Variants in CEP112 observed in about 807,000 individuals in gnomAD.
The protein encoded by CEP112 is centrosomal protein of 112 kDa.
Under a neutral mutation model 153.0 loss-of-function variants are expected in CEP112, and 127 were observed. The ratio of observed to expected loss-of-function variants is 0.83; its 90% confidence interval spans 0.72 to 0.96. The LOEUF is 0.96. CEP112 is among the 40% of genes least tolerant of loss of function. The pLI is 0.00. For missense variants in CEP112, 1,089 were observed against 1,101.2 expected, an observed-to-expected ratio of 0.99 and a Z score of 0.16; for synonymous variants, 358 against 374.4, an observed-to-expected ratio of 0.96 and a Z score of 0.51.
At chr17:65,708,792 A>G (rs2049034173) in intron 23 of CEP112, among the ~76,000 whole-genome samples, 1 of 152,186 alleles carries the variant, frequency 6.6e-6, no homozygotes, top group Non-Finnish European at 1.5e-5. Context: ...GGATTCCAGA[A>G]CACCGTTATT....
In CEP112 at chr17:65,902,263, A is replaced by G. The variant is rs2059896876; in HGVS notation, c.2052T>C (p.Asp684=). The change falls in exon 20 of 27, where the codon GAT becomes GAC. Residue 684 remains aspartate, a synonymous_variant. Coordinates refer to ENST00000535342, the MANE Select transcript of CEP112 (RefSeq NM_001199165.4). ...CCCGTTCATGGTCTCGGACTAGGCT[A>G]TCCTTCTCTGCGTTATGCTGCTGTA... is the stretch of plus-strand genomic sequence containing the variant. ...HLLQQHNAEK[D]SLVRDHEREI... The G allele has an allele frequency of 6.2e-7, 1 of 1,613,906 alleles. No individual in the cohort carries two copies. The highest frequency in any genetic ancestry group is 8.5e-7 in the Non-Finnish European group (1 of 1,179,954).
intron 16 of CEP112, 43 bp from the exon 17 acceptor site, chr17:66,005,812 A>C (rs1051262011): frequency 6.5e-7 from 1 of 1,532,138 alleles, no homozygotes; most frequent in African/African-American, 1.4e-5. Context: ...AAGACGAGTA[A>C]AGTTTACTTC....
rs544049946 is a variant in CEP112, at chr17:65,880,370, C to T, written c.2163+21782G>A. Among the ~76,000 whole-genome samples the T allele has an allele frequency of 4.6e-5, 7 of 152,122 alleles. No homozygotes were observed. The East Asian group carries it at 1.4e-3, about 29-fold the overall frequency. On this transcript the variant is annotated intron_variant, in intron 20 of 26. Coordinates refer to ENST00000535342, the MANE Select transcript of CEP112 (RefSeq NM_001199165.4). Reference sequence around the variant, plus strand: ...ATGGATATCATCACGATTTCTGTTACTATGAGCAAATACTATTTTCAAGAA... The same window carrying T: ...ATGGATATCATCACGATTTCTGTTATTATGAGCAAATACTATTTTCAAGAA...
At chr17:65,902,082 A>G in intron 20 of CEP112, 70 bp downstream of exon 20, 1 of 1,190,920 alleles carries the variant, frequency 8.4e-7, no homozygotes, top group Non-Finnish European at 1.2e-6. Flanking sequence ...TAAGAATAAT[A>G]AGAAAACATT....
intron 21 of CEP112, among the ~76,000 whole-genome samples, chr17:65,780,697 A>T (rs910619826): frequency 6.6e-6 from 1 of 152,140 alleles, no homozygotes; most frequent in Non-Finnish European, 1.5e-5. Flanking sequence ...TATACTTAAC[A>T]CAAAATTTAC....
At chr17:65,711,182 C>A (rs146550088) in intron 23 of CEP112, among the ~76,000 whole-genome samples, 88 of 152,130 alleles carry the variant, frequency 5.8e-4, no homozygotes, top group African/African-American at 2.1e-3. Flanking sequence ...AACTGTCATA[C>A]GATCAATTGA....
chr17:65,782,470 C>T (rs1436466594), intron 21 of CEP112, among the ~76,000 whole-genome samples: 2 of 152,130 alleles, frequency 1.3e-5, no homozygotes, highest in East Asian at 1.9e-4. Context: ...ACCATTTGAC[C>T]CAGCAATCCC....
intron 21 of CEP112, among the ~76,000 whole-genome samples, chr17:65,760,934 T>G (rs6504345): frequency 0.47 from 71,997 of 151,890 alleles, 17,955 homozygotes; most frequent in East Asian, 0.84. Flanking sequence ...TGCCTTAATA[T>G]ATATATCCAT....
intron 10 of CEP112, among the ~76,000 whole-genome samples, chr17:66,065,856 C>T (rs1032036869): frequency 6.6e-6 from 1 of 152,078 alleles, no homozygotes; most frequent in Non-Finnish European, 1.5e-5. Context: ...GTCTCGATCT[C>T]CTGACCTCAT....
In CEP112 at chr17:66,190,096, G is replaced by A. The variant is rs552339399; in HGVS notation, c.-9+1901C>T. Among the ~76,000 whole-genome samples, 141 of 152,048 alleles carry A rather than the reference G, an allele frequency of 9.3e-4. 1 individual carries two copies. The highest frequency in any genetic ancestry group is 3.2e-3 in the African/African-American group (132 of 41,478). On this transcript the variant is annotated intron_variant, in intron 1 of 26. Transcript: ENST00000535342. ...TGTAATCCCAGCACTTTGGGAGGCC[G>A]AGGCGGGAGGGTCACCTGAGGTCAG...
chr17:65,735,322 G>C (rs1007869810), intron 23 of CEP112, among the ~76,000 whole-genome samples: 1 of 152,108 alleles, frequency 6.6e-6, no homozygotes, highest in Non-Finnish European at 1.5e-5. Flanking sequence ...AGAGTGACTA[G>C]AGTTCAGCTC....
At chr17:65,996,906 T>C (rs1172576549) in intron 17 of CEP112, among the ~76,000 whole-genome samples, 1 of 152,180 alleles carries the variant, frequency 6.6e-6, no homozygotes, top group South Asian at 2.1e-4. Context: ...AGAATACTTT[T>C]TCTTTTCATT....
At chr17:66,099,864 A>G (rs2146301878) in intron 6 of CEP112, among the ~76,000 whole-genome samples, 1 of 152,266 alleles carries the variant, frequency 6.6e-6, no homozygotes, top group East Asian at 1.9e-4. Context: ...CCCCACTCTC[A>G]TACACCAGGG....
At chr17:66,085,382 T>A (rs1162569369) in intron 8 of CEP112, among the ~76,000 whole-genome samples, 1 of 152,202 alleles carries the variant, frequency 6.6e-6, no homozygotes, top group Non-Finnish European at 1.5e-5. Flanking sequence ...CATAACCTTA[T>A]TTTAAGGACA....
chr17:65,994,018 GAA>G (rs11306856), intron 17 of CEP112, among the ~76,000 whole-genome samples: 28,483 of 145,882 alleles, frequency 0.2, 3,243 homozygotes, highest in African/African-American at 0.32. Context: ...CGGTTCATAG[GAA>G]AAAAAAAAAA....
At chr17:65,948,647 T>C (rs2061720691) in intron 18 of CEP112, among the ~76,000 whole-genome samples, 1 of 151,922 alleles carries the variant, frequency 6.6e-6, no homozygotes, top group South Asian at 2.1e-4. Flanking sequence ...AATATGTACA[T>C]TTTACACAGT....
chr17:65,996,784 T>C (rs2063807783), intron 17 of CEP112, among the ~76,000 whole-genome samples: 1 of 152,254 alleles, frequency 6.6e-6, no homozygotes, highest in Non-Finnish European at 1.5e-5. Flanking sequence ...ATAAGTATGC[T>C]AAAATCAGAT....
chr17:65,962,527 A>T (rs1282444906), intron 17 of CEP112, among the ~76,000 whole-genome samples: 3 of 152,224 alleles, frequency 2.0e-5, no homozygotes, highest in African/African-American at 7.2e-5. Context: ...TCAGTTTATA[A>T]ATGCATGCCA....
intron 16 of CEP112, among the ~76,000 whole-genome samples, chr17:66,009,647 T>C (rs1013456836): frequency 2.0e-5 from 3 of 152,332 alleles, no homozygotes; most frequent in East Asian, 3.9e-4. Flanking sequence ...GCTTATGGTA[T>C]AGGGAAAGGG....
Sources: allele counts gnomAD v4.1 joint callset (sites outside exome capture counted in the v4.1 genomes callset), GRCh38; gene constraint gnomAD v4.1.1; transcripts MANE v1.5; gene names NCBI Gene and HGNC (gene_info 2026-07-23, HGNC 2026-07-21).